Variants in HERC2 observed in about 807,000 individuals in gnomAD.
HERC2 encodes the protein E3 ubiquitin-protein ligase HERC2.
Under a neutral mutation model 537.7 loss-of-function variants are expected in HERC2, and 102 were observed. The observed-to-expected ratio is 0.19, with a 90% CI of 0.16 to 0.22. The LOEUF is 0.22. HERC2 is among the 10% of genes least tolerant of loss of function. The pLI is 1.00. For synonymous variants in HERC2, 2,224 were observed against 2,466.2 expected, an observed-to-expected ratio of 0.90 and a Z score of 2.91; for missense variants, 4,236 against 6,198.2, an observed-to-expected ratio of 0.68 and a Z score of 10.63.
intron 67 of HERC2, among the ~76,000 whole-genome samples, chr15:28,168,198 T>A (rs1325084980): frequency 1.3e-5 from 2 of 152,218 alleles, no homozygotes; most frequent in Admixed American, 1.3e-4. Context: ...ACTGTGAACT[T>A]GATTTAATGG....
At chr15:28,223,742 C>T (rs1458580397) in intron 35 of HERC2, among the ~76,000 whole-genome samples, 1 of 152,158 alleles carries the variant, frequency 6.6e-6, no homozygotes, top group African/African-American at 2.4e-5. Flanking sequence ...ATATTATATG[C>T]TTATGATTTC....
chr15:28,254,871 G>C (rs1317471428), intron 19 of HERC2, among the ~76,000 whole-genome samples: 1 of 152,180 alleles, frequency 6.6e-6, no homozygotes, highest in South Asian at 2.1e-4. Context: ...AGAAGAAGCT[G>C]GAATTCTCAC....
chr15:28,227,695 T>C (rs886363592), intron 35 of HERC2, among the ~76,000 whole-genome samples: 4 of 152,166 alleles, frequency 2.6e-5, no homozygotes, highest in Admixed American at 6.5e-5. Flanking sequence ...TATTTGTATA[T>C]AAATGTTCCT....
At chr15:28,244,920 TTC>T (rs1243459383) in intron 23 of HERC2, among the ~76,000 whole-genome samples, 5 of 152,204 alleles carry the variant, frequency 3.3e-5, no homozygotes, top group Non-Finnish European at 7.3e-5. Context: ...TTTTGATTGA[TTC>T]TGAGTCCAGG....
chr15:28,130,321 TG>T lies in HERC2; in HGVS notation c.12663-20del, dbSNP rs771071714. Reference sequence around the variant, plus strand: ...TTTGCCCCTGCACACAAAGGAAGCATGGAAATTATGGGGCAAGGTGATCTCA... The same window carrying T: ...TTTGCCCCTGCACACAAAGGAAGCATGAAATTATGGGGCAAGGTGATCTCA... On this transcript the variant is annotated intron_variant, in intron 82 of 92. Transcript: ENST00000261609. 6.2e-7 allele frequency: 1 copy of T among 1,613,992 alleles called. No homozygotes were observed. The highest frequency in any genetic ancestry group is 1.1e-5 in the South Asian group (1 of 91,072).
intron 68 of HERC2, among the ~76,000 whole-genome samples, chr15:28,165,855 T>C (rs1894083085): frequency 6.6e-6 from 1 of 152,070 alleles, no homozygotes; most frequent in Non-Finnish European, 1.5e-5. Flanking sequence ...CACACACACA[T>C]ATTCATTCTC....
chr15:28,165,913 T>TG (rs1270458022), intron 68 of HERC2, among the ~76,000 whole-genome samples: 24 of 152,314 alleles, frequency 1.6e-4, no homozygotes, highest in African/African-American at 5.5e-4. Context: ...GCCCAGATCT[T>TG]GACCTCTAAA....
chr15:28,302,083 C>G (rs925675837), intron 2 of HERC2, among the ~76,000 whole-genome samples: 1 of 148,368 alleles, frequency 6.7e-6, no homozygotes, highest in African/African-American at 2.5e-5. Context: ...CAGGCGTAAG[C>G]CACTGTGCCC....
intron 2 of HERC2, among the ~76,000 whole-genome samples, chr15:28,315,421 C>A (rs1292528780): frequency 6.6e-6 from 1 of 152,340 alleles, no homozygotes; most frequent in African/African-American, 2.4e-5. Context: ...CAGAGAGAGG[C>A]GGCTAAGGAA....
intron 69 of HERC2, among the ~76,000 whole-genome samples, chr15:28,155,583 C>T (rs1284108283): frequency 6.8e-6 from 1 of 148,050 alleles, no homozygotes; most frequent in African/African-American, 2.7e-5. Flanking sequence ...AGTGTCTGTT[C>T]ATATCCTTCG....
In HERC2 at chr15:28,204,755, C is replaced by T. The variant is rs555454850; in HGVS notation, c.7212+1485G>A. On this transcript the variant is annotated intron_variant, in intron 45 of 92. Transcript: ENST00000261609. ...TAAAGTATGTCTTGGATGGATATAA[C>T]AACAGATTAGGCCCAACAAAGCAAA... is the stretch of plus-strand genomic sequence containing the variant. Among the ~76,000 whole-genome samples the T allele has an allele frequency of 2.3e-3, 346 of 152,058 alleles. 1 individual carries two copies. The highest frequency in any genetic ancestry group is 8.1e-3 in the African/African-American group (336 of 41,478).
chr15:28,130,132 C>T (rs988977743), intron 83 of HERC2, 31 bp downstream of exon 83: 1 of 1,612,910 alleles, frequency 6.2e-7, no homozygotes, highest in Admixed American at 1.7e-5. Context: ...ATTCACAGGC[C>T]TCAGTCCTGC....
chr15:28,246,592 A>G (rs942199412), intron 22 of HERC2, 150 bp downstream of exon 22: 1 of 577,832 alleles, frequency 1.7e-6, no homozygotes. Flanking sequence ...CAGAACTGTC[A>G]GTAACTAAAA....
intron 14 of HERC2, 139 bp from the exon 15 acceptor site, chr15:28,263,308 C>A: frequency 1.0e-5 from 9 of 857,378 alleles, no homozygotes; most frequent in Non-Finnish European, 1.6e-5. Flanking sequence ...AGGGTGGCTA[C>A]TGAGCAAACG....
chr15:28,125,098 C>G lies in HERC2; in HGVS notation c.12898G>C (p.Gly4300Arg). The change falls in exon 84 of 93, where the codon GGT becomes CGT. Residue 4300 changes from glycine to arginine, a missense_variant. Physicochemically the swap from Gly to Arg is moderately radical, Grantham distance 125 (BLOSUM62 -2). This residue lies in a region of HERC2 where 189 missense variants were observed against 255.7 expected (regional missense o/e 0.74). Coordinates refer to ENST00000261609, the MANE Select transcript of HERC2 (RefSeq NM_004667.6). Reference sequence around the variant, plus strand: ...CAGGCCACACGGTTGACCTTCTTACCCTGAAGGGCAGCTACCAACCGAGGC... The same window carrying G: ...CAGGCCACACGGTTGACCTTCTTACGCTGAAGGGCAGCTACCAACCGAGGC... ...QRPRLVAALQ[G>R]KKVNRVACGS... is the part of the protein sequence containing the mutation. 1 of 1,614,170 alleles carries G rather than the reference C, an allele frequency of 6.2e-7. No homozygotes were observed. The highest frequency in any genetic ancestry group is 1.6e-4 in the Middle Eastern group (1 of 6,062).
In HERC2 at chr15:28,215,614, A is replaced by G; in HGVS notation, c.6210+7T>C. On this transcript the variant is annotated splice_region_variant and intron_variant, in intron 39 of 92. Transcript: ENST00000261609. ...CAGGGAACTGGTTTTGCCTGGCAGCACATTACCTGCCTCTGCAGCGAGGTG... is the reference window on the plus strand; with the variant it reads ...CAGGGAACTGGTTTTGCCTGGCAGCGCATTACCTGCCTCTGCAGCGAGGTG... 5 of 1,594,300 alleles carry G rather than the reference A, an allele frequency of 3.1e-6. No individual in the cohort carries two copies. The highest frequency in any genetic ancestry group is 3.4e-6 in the Non-Finnish European group (4 of 1,168,774).
Position 28,131,734 on chromosome 15 carries a change from C to T in HERC2, c.12570+366G>A, listed in dbSNP as rs1297013853. On this transcript the variant is annotated intron_variant, in intron 81 of 92. Coordinates refer to ENST00000261609, the MANE Select transcript of HERC2 (RefSeq NM_004667.6). ...TAGCAAGCACTGGCACCCCCAAGCG[C>T]GTGCCGTGGCAACTCCACACCACTG... is the stretch of plus-strand genomic sequence containing the variant. 5.3e-5 allele frequency among the ~76,000 whole-genome samples: 8 copies of T among 152,258 alleles called. No homozygotes were observed. In the East Asian group the frequency reaches 9.7e-4, roughly 18 times the overall value.
chr15:28,281,489 T>C (rs763473065), intron 4 of HERC2, among the ~76,000 whole-genome samples: 5 of 152,124 alleles, frequency 3.3e-5, no homozygotes, highest in Admixed American at 6.5e-5. Flanking sequence ...ACACCCCTAC[T>C]GGCTGCCTCC....
chr15:28,292,082 A>G (rs2076330490), intron 4 of HERC2, among the ~76,000 whole-genome samples: 1 of 151,628 alleles, frequency 6.6e-6, no homozygotes. Flanking sequence ...ACAAAAAATT[A>G]GCCAGGCATG....
Sources: allele counts gnomAD v4.1 joint callset (sites outside exome capture counted in the v4.1 genomes callset), GRCh38; gene constraint gnomAD v4.1.1; regional missense constraint gnomAD v4.1.1; transcripts MANE v1.5; gene names NCBI Gene and HGNC (gene_info 2026-07-23, HGNC 2026-07-21).